Variants in PRKCE observed in about 807,000 individuals in gnomAD.
The protein encoded by PRKCE is protein kinase C epsilon.
PRKCE carries 16 observed loss-of-function variants against 85.4 expected under a neutral mutation model. That is an observed-to-expected ratio of 0.19 (90% CI 0.13 to 0.28). The LOEUF is 0.28. PRKCE is among the 10% of genes least tolerant of loss of function. PRKCE has a pLI of 1.00. For synonymous variants in PRKCE, 388 were observed against 371.5 expected, an observed-to-expected ratio of 1.04 and a Z score of -0.51; for missense variants, 573 against 975.2, an observed-to-expected ratio of 0.59 and a Z score of 5.49.
chr2:45,862,576 T>C (rs1053492329), intron 2 of PRKCE, among the ~76,000 whole-genome samples: 3 of 152,162 alleles, frequency 2.0e-5, no homozygotes, highest in African/African-American at 7.2e-5. Flanking sequence ...TTTGGCTGGA[T>C]CTTCTGGTTT....
chr2:46,050,769 G>T (rs968611521), intron 10 of PRKCE, among the ~76,000 whole-genome samples: 2 of 152,168 alleles, frequency 1.3e-5, no homozygotes, highest in African/African-American at 4.8e-5. Flanking sequence ...CACGTCCTGG[G>T]AATAATTTAG....
intron 1 of PRKCE, among the ~76,000 whole-genome samples, chr2:45,735,154 T>C (rs1202633421): frequency 6.6e-6 from 1 of 152,152 alleles, no homozygotes; most frequent in Non-Finnish European, 1.5e-5. Flanking sequence ...GCGCATGATG[T>C]GATTGCAACA....
intron 1 of PRKCE, among the ~76,000 whole-genome samples, chr2:45,793,784 G>T (rs533002886): frequency 6.6e-6 from 1 of 152,302 alleles, no homozygotes; most frequent in South Asian, 2.1e-4. Flanking sequence ...ACTGGGATCC[G>T]GGCTAAACCT....
rs537772053 is a variant in PRKCE at position 46,184,925 on chromosome 2, G to T, written c.*44G>T. 145 of 1,597,200 alleles carry T rather than the reference G, an allele frequency of 9.1e-5. 1 individual carries two copies. The East Asian group carries it at 2.2e-3, about 24-fold the overall frequency. ...CTTTGCCGATGCTGCAAGAAGGGGT[G>T]CAGAGAAGACTCCTGTGTTGGAGAC... On this transcript the variant is annotated 3_prime_UTR_variant, in exon 15 of 15. Transcript: ENST00000306156. The surrounding 1 kb of genome is among the most constrained non-coding windows in gnomAD (Gnocchi z 5.0).
intron 1 of PRKCE, among the ~76,000 whole-genome samples, chr2:45,751,736 G>T (rs1683575822): frequency 6.7e-6 from 1 of 148,692 alleles, no homozygotes. Context: ...TGAAAGTACA[G>T]AAAATAAAAT....
chr2:45,910,370 C>A (rs537521366), intron 2 of PRKCE, among the ~76,000 whole-genome samples: 1 of 152,206 alleles, frequency 6.6e-6, no homozygotes, highest in Admixed American at 6.5e-5. Flanking sequence ...AGACAGGAAG[C>A]CCACCCTGAA....
At chr2:46,008,727 T>C (rs1319265344) in intron 9 of PRKCE, among the ~76,000 whole-genome samples, 1 of 152,178 alleles carries the variant, frequency 6.6e-6, no homozygotes, top group African/African-American at 2.4e-5. Flanking sequence ...TTACATTCTT[T>C]AGAGACTGAC....
At chr2:45,696,893 A>C (rs1311104600) in intron 1 of PRKCE, among the ~76,000 whole-genome samples, 3 of 152,040 alleles carry the variant, frequency 2.0e-5, no homozygotes, top group Non-Finnish European at 4.4e-5. Flanking sequence ...GACTGTGTTG[A>C]TCATGTGACT....
chr2:46,143,635 C>G (rs1450672372), intron 11 of PRKCE, among the ~76,000 whole-genome samples: 2 of 152,128 alleles, frequency 1.3e-5, no homozygotes, highest in African/African-American at 4.8e-5. Flanking sequence ...GGTCCTGGCC[C>G]AGTGTTTGTC....
chr2:46,050,332 G>C (rs1708779000), intron 10 of PRKCE, among the ~76,000 whole-genome samples: 1 of 152,348 alleles, frequency 6.6e-6, no homozygotes, highest in Middle Eastern at 3.4e-3. Flanking sequence ...AAGCTGTCAG[G>C]GTTTATTTGC....
intron 1 of PRKCE, among the ~76,000 whole-genome samples, chr2:45,660,606 G>A (rs114327049): frequency 0.014 from 2,118 of 152,300 alleles, 46 homozygotes; most frequent in African/African-American, 0.048. Flanking sequence ...AACTCATAGA[G>A]CTATTGAAGC....
intron 11 of PRKCE, among the ~76,000 whole-genome samples, chr2:46,110,816 G>T (rs899976837): frequency 6.6e-6 from 1 of 151,838 alleles, no homozygotes; most frequent in Non-Finnish European, 1.5e-5. Context: ...GTTTTTTAAT[G>T]TACACATTCA....
chr2:45,829,564 A>G (rs1690229441), intron 1 of PRKCE, among the ~76,000 whole-genome samples: 1 of 152,216 alleles, frequency 6.6e-6, no homozygotes, highest in African/African-American at 2.4e-5. Flanking sequence ...GTGGCAGCTA[A>G]TGAAGCAGAA....
intron 2 of PRKCE, among the ~76,000 whole-genome samples, chr2:45,845,174 T>C (rs74998693): frequency 6.6e-6 from 1 of 152,004 alleles, no homozygotes; most frequent in Non-Finnish European, 1.5e-5. Flanking sequence ...GTTTGTGTTA[T>C]ACACATCTGT....
intron 1 of PRKCE, among the ~76,000 whole-genome samples, chr2:45,728,593 C>G (rs141944893): frequency 1.1e-3 from 174 of 152,278 alleles, no homozygotes; most frequent in African/African-American, 4.1e-3. Flanking sequence ...TAGTCACAGA[C>G]TTCTAGAGTG....
intron 1 of PRKCE, among the ~76,000 whole-genome samples, chr2:45,830,373 G>C (rs990232699): frequency 2.6e-5 from 4 of 152,034 alleles, no homozygotes; most frequent in Non-Finnish European, 5.9e-5. Flanking sequence ...TGAATAAATA[G>C]GAAGGCATTT....
At chr2:45,662,984 C>T (rs1037167940) in intron 1 of PRKCE, among the ~76,000 whole-genome samples, 4 of 152,266 alleles carry the variant, frequency 2.6e-5, no homozygotes, top group South Asian at 2.1e-4. Flanking sequence ...AGAGAATCAT[C>T]AATCAGCCAT....
chr2:46,131,976 T>A (rs954475496), intron 11 of PRKCE, among the ~76,000 whole-genome samples: 2 of 152,030 alleles, frequency 1.3e-5, no homozygotes, highest in South Asian at 2.1e-4. Context: ...AATTATTATT[T>A]TTATTATTAT....
At chr2:46,033,984 C>A (rs2104962103) in intron 10 of PRKCE, among the ~76,000 whole-genome samples, 1 of 152,300 alleles carries the variant, frequency 6.6e-6, no homozygotes, top group South Asian at 2.1e-4. Context: ...TTAGAGAAAG[C>A]CGTAGGCTTT....
Sources: allele counts gnomAD v4.1 joint callset (sites outside exome capture counted in the v4.1 genomes callset), GRCh38; gene constraint gnomAD v4.1.1; non-coding constraint Gnocchi (gnomAD v3.1); transcripts MANE v1.5; gene names NCBI Gene and HGNC (gene_info 2026-07-23, HGNC 2026-07-21).